Variants in CCT2 observed in about 807,000 individuals in gnomAD.
The protein encoded by CCT2 is T-complex protein 1 subunit beta.
Under a neutral mutation model 61.8 loss-of-function variants are expected in CCT2, and 18 were observed. The ratio of observed to expected loss-of-function variants is 0.29; its 90% CI spans 0.20 to 0.43. The LOEUF (loss-of-function observed/expected upper bound fraction) is 0.43, where lower values mean the gene tolerates loss of function less well. Among genes scored for constraint, CCT2 ranks in the 20% least tolerant of loss-of-function variants. CCT2 has a pLI of 1.00. For missense variants in CCT2, 556 were observed against 656.9 expected (o/e 0.85, Z 1.68); for synonymous variants, 248 against 215.9 (o/e 1.15, Z -1.30).
In CCT2 at chr12:69,585,492, A is replaced by T. The variant is rs763404110; in HGVS notation, c.-30A>T. ...GGTCCCGAGCACGAGCTGTGAGGGGATTCACTTGTGTGCGGAACTCCTCGG... is the reference window on the plus strand; with the variant it reads ...GGTCCCGAGCACGAGCTGTGAGGGGTTTCACTTGTGTGCGGAACTCCTCGG... On this transcript the variant is annotated 5_prime_UTR_variant, in exon 1 of 16. Coordinates refer to ENST00000299300, the MANE Select transcript of CCT2 (RefSeq NM_006431.3). The T allele has an allele frequency of 1.3e-6, 2 of 1,561,780 alleles. No homozygotes were observed. The highest frequency in any genetic ancestry group is 2.4e-5 in the East Asian group (1 of 42,004).
chr12:69,585,771 G>T, intron 1 of CCT2: 1 of 1,402,758 alleles, frequency 7.1e-7, no homozygotes. Context: ...AGTCCCGGCA[G>T]CCCAGGTCCG....
chr12:69,587,418 A>G (rs1356376593), intron 3 of CCT2, 87 bp from the exon 4 acceptor site: 1 of 773,406 alleles, frequency 1.3e-6, no homozygotes, highest in African/African-American at 1.7e-5. Flanking sequence ...GTGTTTATAC[A>G]CTAGCACTGT....
chr12:69,591,426 C>G (rs1881832136), intron 7 of CCT2, among the ~76,000 whole-genome samples: 1 of 152,136 alleles, frequency 6.6e-6, no homozygotes, highest in Non-Finnish European at 1.5e-5. Context: ...TGATCAGGGT[C>G]AGATTTATCT....
intron 15 of CCT2, among the ~76,000 whole-genome samples, chr12:69,600,978 G>A (rs1882130637): frequency 6.6e-6 from 1 of 152,172 alleles, no homozygotes; most frequent in Non-Finnish European, 1.5e-5. Context: ...CTGATGTGGT[G>A]CAGGGCATCA....
intron 10 of CCT2, among the ~76,000 whole-genome samples, chr12:69,596,558 G>A (rs1457371942): frequency 6.6e-6 from 1 of 152,178 alleles, no homozygotes; most frequent in Non-Finnish European, 1.5e-5. Flanking sequence ...AATTTGGTCT[G>A]GGAAATTCTT....
At chr12:69,587,844 G>GT in intron 4 of CCT2, 86 bp from the exon 5 acceptor site, 1 of 1,093,286 alleles carries the variant, frequency 9.1e-7, no homozygotes, top group Admixed American at 1.8e-5. Context: ...AGGAACCCTG[G>GT]TAAGTTTAGA....
chr12:69,585,509 A>T lies in CCT2; in HGVS notation c.-13A>T. Reference sequence around the variant, plus strand: ...GTGAGGGGATTCACTTGTGTGCGGAACTCCTCGGAACCATGGTGAGCCTGA... The same window carrying T: ...GTGAGGGGATTCACTTGTGTGCGGATCTCCTCGGAACCATGGTGAGCCTGA... On this transcript the variant is annotated 5_prime_UTR_variant, in exon 1 of 16. Transcript: ENST00000299300. 1 of 1,566,290 alleles carries T rather than the reference A, an allele frequency of 6.4e-7. No individual in the cohort carries two copies. Among genetic ancestry groups the T allele is most frequent in the South Asian group, 1.2e-5 (1 of 85,158 alleles).
intron 15 of CCT2, among the ~76,000 whole-genome samples, chr12:69,600,362 C>G (rs1452287633): frequency 6.6e-6 from 1 of 152,214 alleles, no homozygotes; most frequent in African/African-American, 2.4e-5. Flanking sequence ...CATATAGCCA[C>G]ACCTACTCCC....
At chr12:69,599,346 T>C (rs138604477) in intron 14 of CCT2, among the ~76,000 whole-genome samples, 73 of 152,278 alleles carry the variant, frequency 4.8e-4, no homozygotes, top group African/African-American at 1.7e-3. Context: ...CCCAAAGTGC[T>C]AGGATTATAG....
chr12:69,597,817 A>G (rs745396095), intron 12 of CCT2, 51 bp downstream of exon 12: 27 of 1,522,028 alleles, frequency 1.8e-5, no homozygotes, highest in South Asian at 2.4e-5. Flanking sequence ...AAAGTACAAT[A>G]TAAGTCATAA....
At position 69,601,489 on chromosome 12, in the gene CCT2, C is replaced by T. The variant is rs747866522; in HGVS notation, c.*164C>T. 2.6e-5 allele frequency: 39 copies of T among 1,483,688 alleles called. No homozygotes were observed. Among genetic ancestry groups the T allele is most frequent in the African/African-American group, 7.1e-5 (5 of 70,180 alleles). The allele number at this position is 1,483,688 out of a possible 1,614,324, so 91.9% of individuals were successfully genotyped here. A position where few individuals can be genotyped will look rare whatever the true frequency, so the allele number is the denominator to read the frequency against. ...TTTAACATAGGTCTAATTTATTTGC[C>T]GTGTCATTTTCCATACAAATCAGTT... On this transcript the variant is annotated 3_prime_UTR_variant, in exon 16 of 16. Transcript: ENST00000299300.
chr12:69,601,564 A>G lies in CCT2; in HGVS notation c.*239A>G. 1.5e-6 allele frequency: 2 copies of G among 1,303,910 alleles called. No individual in the cohort carries two copies. The highest frequency in any genetic ancestry group is 2.0e-6 in the Non-Finnish European group (2 of 1,002,082). 80.8% of individuals were successfully genotyped at this position (1,303,910 alleles called of 1,614,324 possible). ...ACTGTGCATTAAAATAAAAATTTGA[A>G]CAATTACTTGGTTCTTATGTCTTAT... is the stretch of plus-strand genomic sequence containing the variant. On this transcript the variant is annotated 3_prime_UTR_variant, in exon 16 of 16. Coordinates refer to ENST00000299300, the MANE Select transcript of CCT2 (RefSeq NM_006431.3).
chr12:69,586,838 T>G lies in CCT2; in HGVS notation c.144+20T>G, dbSNP rs943927448. The G allele has an allele frequency of 9.4e-6, 14 of 1,492,130 alleles. No individual in the cohort carries two copies. Among genetic ancestry groups the G allele is most frequent in the Admixed American group, 2.0e-5 (1 of 49,952 alleles). 92.4% of individuals were successfully genotyped at this position (1,492,130 alleles called of 1,614,324 possible). On this transcript the variant is annotated intron_variant, in intron 3 of 15. Coordinates refer to ENST00000299300, the MANE Select transcript of CCT2 (RefSeq NM_006431.3). Reference sequence around the variant, plus strand: ...GGCATGGTAAGAAAAATAGAAAAGTTTTATATTTTAATATTGTTTTAGAGC... The same window carrying G: ...GGCATGGTAAGAAAAATAGAAAAGTGTTATATTTTAATATTGTTTTAGAGC...
chr12:69,596,038 G>A (rs911754081), intron 10 of CCT2, among the ~76,000 whole-genome samples: 2 of 152,176 alleles, frequency 1.3e-5, no homozygotes, highest in Admixed American at 6.5e-5. Context: ...TAGTCATTGC[G>A]CTCCAGTCTA....
rs1211148406 is a variant in CCT2, at chr12:69,588,009, A to G, written c.333+3A>G. The G allele has an allele frequency of 6.2e-7, 1 of 1,610,564 alleles. No homozygotes were observed. The highest frequency in any genetic ancestry group is 1.1e-5 in the South Asian group (1 of 90,988). On this transcript the variant is annotated splice_donor_region_variant and intron_variant, in intron 5 of 15. Transcript: ENST00000299300. ...TTTTAGCAGCAGAATTATTAAGGGT[A>G]AGAGCAACTAAGCAACTCTTTTTTC...
chr12:69,586,964 T>A, intron 3 of CCT2, 146 bp downstream of exon 3: 1 of 528,536 alleles, frequency 1.9e-6, no homozygotes, highest in Non-Finnish European at 3.2e-6. Context: ...AAAATCAGAG[T>A]CCCCAGAATC....
chr12:69,598,249 C>A, intron 13 of CCT2, 73 bp from the exon 14 acceptor site: 1 of 1,173,126 alleles, frequency 8.5e-7, no homozygotes, highest in Non-Finnish European at 1.2e-6. Flanking sequence ...TTTTAAAAAG[C>A]TATCCTAGTT....
intron 3 of CCT2, among the ~76,000 whole-genome samples, 187 bp from the exon 4 acceptor site, chr12:69,587,309 TGTGCTTCTA>T (rs1270478577): frequency 6.6e-6 from 1 of 152,228 alleles, no homozygotes; most frequent in African/African-American, 2.4e-5. Context: ...AGTGTCTACC[TGTGCTTCTA>T]GTGTTTCTAG....
intron 10 of CCT2, among the ~76,000 whole-genome samples, 155 bp downstream of exon 10, chr12:69,593,768 C>T (rs763427458): frequency 2.6e-5 from 4 of 152,274 alleles, no homozygotes; most frequent in Non-Finnish European, 4.4e-5. Flanking sequence ...TACATAGATA[C>T]ATTACATTTA....
Sources: gnomAD v4.1 joint callset for allele counts (sites outside exome capture counted in the v4.1 genomes callset) on GRCh38, gnomAD v4.1.1 for gene constraint, MANE v1.5 for transcripts, NCBI Gene and HGNC (gene_info 2026-07-23, HGNC 2026-07-21) for gene names.